The following TNNT2 variants were observed in gnomAD, a reference collection of about 807,000 sequenced individuals.
TNNT2 encodes troponin T, cardiac muscle.
TNNT2 carries 34 observed loss-of-function variants against 62.4 expected under a neutral mutation model. The observed-to-expected ratio is 0.54, with a 90% CI of 0.41 to 0.72. The LOEUF is 0.72. TNNT2 is among the 30% of genes least tolerant of loss of function. TNNT2 has a pLI of 0.00. For synonymous variants in TNNT2, 123 were observed against 127.2 expected (o/e 0.97, Z 0.22); for missense variants, 275 against 381.9 (o/e 0.72, Z 2.33).
intron 15 of TNNT2, among the ~76,000 whole-genome samples, chr1:201,359,962 G>A (rs1658309776): frequency 6.6e-6 from 1 of 152,152 alleles, no homozygotes; most frequent in African/African-American, 2.4e-5. Context: ...TGGGCACAAA[G>A]CTGGAGGCTG....
Position 201,372,019 on chromosome 1 carries a change from G to A in TNNT2, c.67+8C>T. The A allele has an allele frequency of 6.2e-7, 1 of 1,612,682 alleles. No individual in the cohort carries two copies. ...CTTTCTGGCTCTCCACCTGCCTGAGGCACATACCTTCAACAGCTGCTTCTG... is the reference window on the plus strand; with the variant it reads ...CTTTCTGGCTCTCCACCTGCCTGAGACACATACCTTCAACAGCTGCTTCTG... On this transcript the variant is annotated splice_region_variant and intron_variant, in intron 4 of 16. Transcript: ENST00000656932.
intron 1 of TNNT2, 103 bp from the exon 2 acceptor site, chr1:201,373,371 A>G: frequency 1.0e-6 from 1 of 995,676 alleles, no homozygotes; most frequent in Non-Finnish European, 1.6e-6. Flanking sequence ...CCTAGGGTGA[A>G]TCTAGTTCCA....
chr1:201,361,877 G>A lies in TNNT2; in HGVS notation c.719+36C>T, dbSNP rs765066821. On this transcript the variant is annotated intron_variant, in intron 14 of 16. Coordinates refer to ENST00000656932, the MANE Select transcript of TNNT2 (RefSeq NM_001276345.2). ...GCCCGACCCCTCCCAGAGCAGATGC[G>A]GGCAGTGCCCCAGGACCATTCCTCC... is the stretch of plus-strand genomic sequence containing the variant. 23 of 1,588,962 alleles carry A rather than the reference G, an allele frequency of 1.4e-5. No homozygotes were observed. In the Middle Eastern group the frequency reaches 5.0e-4, roughly 34 times the overall value.
Position 201,369,820 on chromosome 1 carries a change from T to A in TNNT2, c.93A>T (p.Glu31Asp). 6.2e-7 allele frequency: 1 copy of A among 1,614,206 alleles called. No homozygotes were observed. Among genetic ancestry groups the A allele is most frequent in the Non-Finnish European group, 8.5e-7 (1 of 1,180,026 alleles). The part of the protein sequence containing the change: ...VEEEEDWRED[E>D]DEQEEAAEED... Reference sequence around the variant, plus strand: ...CAGAAGGAAAGGCTGTACTACCGTCTTCGTCCTCTCTCCAGTCCTCCTCTT... The same window carrying A: ...CAGAAGGAAAGGCTGTACTACCGTCATCGTCCTCTCTCCAGTCCTCCTCTT... The change falls in exon 5 of 17, where the codon GAA becomes GAT. Residue 31 changes from glutamate (E) to aspartate (D), a missense_variant. Glu to Asp is a conservative substitution (Grantham distance 45). Transcript: ENST00000656932.
chr1:201,365,719 A>C, intron 8 of TNNT2, 49 bp from the exon 9 acceptor site: 5 of 1,605,764 alleles, frequency 3.1e-6, no homozygotes, highest in Non-Finnish European at 4.3e-6. Flanking sequence ...GGACCCAGGG[A>C]CTGAGGGTGT....
intron 1 of TNNT2, chr1:201,373,615 A>G: frequency 2.7e-6 from 1 of 376,070 alleles, no homozygotes; most frequent in Non-Finnish European, 5.1e-6. Flanking sequence ...GGATCTGTTC[A>G]GCACTGTACA....
rs483352833 is a variant in TNNT2 at position 201,363,374 on chromosome 1, G to A, written c.522C>T (p.Asn174=). 287 of 1,614,110 alleles carry A rather than the reference G, an allele frequency of 1.8e-4. 4 individuals are homozygous for A. In the South Asian group the frequency reaches 3.0e-3, roughly 17 times the overall value. ...GGGCCTCATCCTCAGCCTTCCTCCT[G>A]TTCTCCTCCTCCTCTCGTCGAGCCC... ...EERARREEEE[N]RRKAEDEARK... is the part of the protein sequence containing the mutation. The change falls in exon 12 of 17, where the codon AAC becomes AAT. Residue 174 remains asparagine, a synonymous_variant. Transcript: ENST00000656932.
rs867180029 is a variant in TNNT2 at position 201,368,222 on chromosome 1, C to T, written c.103G>A (p.Glu35Lys). The change falls in exon 6 of 17, where the codon GAG becomes AAG. Residue 35 changes from glutamate to lysine, a missense_variant. Coordinates refer to ENST00000656932, the MANE Select transcript of TNNT2 (RefSeq NM_001276345.2). Reference sequence around the variant, plus strand: ...TCAGCATCCTCTTCCGCTGCCTCCTCCTGCTCTGGAGAAGTGAAGCAGACA... The same window carrying T: ...TCAGCATCCTCTTCCGCTGCCTCCTTCTGCTCTGGAGAAGTGAAGCAGACA... The part of the protein sequence containing the change: ...EDWREDEDEQ[E>K]EAAEEDAEAE... The T allele has an allele frequency of 5.0e-6, 8 of 1,614,010 alleles. No individual in the cohort carries two copies. Among genetic ancestry groups the T allele is most frequent in the Non-Finnish European group, 6.8e-6 (8 of 1,180,024 alleles).
chr1:201,373,430 G>A, intron 1 of TNNT2, 162 bp from the exon 2 acceptor site: 2 of 690,710 alleles, frequency 2.9e-6, no homozygotes, highest in South Asian at 1.6e-5. Flanking sequence ...TTTCTCCCCT[G>A]CTGGGGGAGA....
intron 1 of TNNT2, chr1:201,373,710 A>C: frequency 3.9e-6 from 1 of 253,944 alleles, no homozygotes; most frequent in Non-Finnish European, 7.7e-6. Context: ...AGTTGCTGGG[A>C]CTATAGTTGT....
In TNNT2 at chr1:201,362,207, A is replaced by G. The variant is rs11807637; in HGVS notation, c.609+179T>C. ...CTAGGGAAACTGAGGTAGGGGCAAG[A>G]AGGATCACGTCAGTCTCTTCCTTCT... is the stretch of plus-strand genomic sequence containing the variant. On this transcript the variant is annotated intron_variant, in intron 13 of 16. Transcript: ENST00000656932. The G allele has an allele frequency of 0.11, 141,593 of 1,255,334 alleles. 9,330 individuals carry two copies. Among genetic ancestry groups the G allele is most frequent in the East Asian group, 0.24 (9,612 of 39,720 alleles). 77.8% of individuals were successfully genotyped at this position (1,255,334 alleles called of 1,614,324 possible). A position where few individuals can be genotyped will look rare whatever the true frequency, so the allele number is the denominator to read the frequency against.
In TNNT2 at chr1:201,359,144, C is replaced by T. The variant is rs3729998; in HGVS notation, c.*66G>A. 38,215 of 1,574,686 alleles carry T rather than the reference C, an allele frequency of 0.024. 527 individuals carry two copies. The highest frequency in any genetic ancestry group is 0.029 in the Non-Finnish European group (33,500 of 1,159,824). On this transcript the variant is annotated 3_prime_UTR_variant, in exon 17 of 17. Coordinates refer to ENST00000656932, the MANE Select transcript of TNNT2 (RefSeq NM_001276345.2). The stretch of plus-strand genomic sequence containing the variant: ...TGGGGTGCCCAGGAGGGCCCGGGAA[C>T]TGGGGGAGTGCAGGCCGGAGGCAGG...
At chr1:201,363,938 A>C (rs1659187735) in intron 11 of TNNT2, 2 of 259,056 alleles carry the variant, frequency 7.7e-6, no homozygotes, top group East Asian at 1.9e-4. Context: ...CCCAGGCTAG[A>C]GTGCAATGGC....
chr1:201,373,369 G>T, intron 1 of TNNT2, 101 bp from the exon 2 acceptor site: 1 of 1,025,940 alleles, frequency 9.7e-7, no homozygotes, highest in Non-Finnish European at 1.5e-6. Context: ...GGCCTAGGGT[G>T]AATCTAGTTC....
chr1:201,364,566 G>T (rs909949264), intron 10 of TNNT2, among the ~76,000 whole-genome samples, 191 bp from the exon 11 acceptor site: 31 of 152,210 alleles, frequency 2.0e-4, no homozygotes, highest in African/African-American at 6.8e-4. Context: ...CAGGGTACCT[G>T]CAGTGACCCA....
intron 8 of TNNT2, 136 bp from the exon 9 acceptor site, chr1:201,365,806 C>T: frequency 6.5e-7 from 1 of 1,538,492 alleles, no homozygotes; most frequent in Admixed American, 2.0e-5. Flanking sequence ...ATGATAGTAA[C>T]ACTGACGTCA....
chr1:201,373,106 C>A (rs1384099619), intron 2 of TNNT2, 108 bp downstream of exon 2: 1 of 1,131,726 alleles, frequency 8.8e-7, no homozygotes, highest in East Asian at 2.3e-5. Flanking sequence ...AAAACACACA[C>A]AGCTACTTCT....
intron 7 of TNNT2, 37 bp downstream of exon 7, chr1:201,367,734 C>T (rs376711560): frequency 3.8e-5 from 61 of 1,612,778 alleles, no homozygotes; most frequent in Non-Finnish European, 4.4e-5. Flanking sequence ...TGAGGGGTTC[C>T]TTTGCCTCCC....
chr1:201,361,196 G>A, intron 15 of TNNT2, 83 bp downstream of exon 15: 1 of 1,331,302 alleles, frequency 7.5e-7, no homozygotes, highest in East Asian at 2.3e-5. Flanking sequence ...GGGACCCAGG[G>A]ACCTGCAGCA....
Sources: allele counts gnomAD v4.1 joint callset (sites outside exome capture counted in the v4.1 genomes callset), GRCh38; gene constraint gnomAD v4.1.1; transcripts MANE v1.5; gene names NCBI Gene and HGNC (gene_info 2026-07-23, HGNC 2026-07-21).